The following PTPRN2 variants were observed in gnomAD, a reference collection of about 807,000 sequenced individuals.
PTPRN2 encodes protein tyrosine phosphatase receptor type N2, also known as receptor-type tyrosine-protein phosphatase N2.
Under a neutral mutation model 118.8 loss-of-function variants are expected in PTPRN2, and 74 were observed. The ratio of observed to expected loss-of-function variants is 0.62; its 90% CI spans 0.52 to 0.76. PTPRN2 has a LOEUF of 0.76. PTPRN2 is among the 30% of genes least tolerant of loss of function. The pLI is 0.00. For missense variants in PTPRN2, 1,481 were observed against 1,394.4 expected (o/e 1.06, Z -0.99); for synonymous variants, 641 against 608.0 (o/e 1.05, Z -0.80).
intron 3 of PTPRN2, among the ~76,000 whole-genome samples, chr7:158,282,731 T>C (rs577821798): frequency 1.5e-5 from 2 of 129,646 alleles, no homozygotes; most frequent in African/African-American, 3.0e-5. Context: ...TGCTCCCACA[T>C]GCAGCAGCCA....
chr7:158,495,205 C>T (rs1821742233), intron 1 of PTPRN2, among the ~76,000 whole-genome samples: 1 of 152,248 alleles, frequency 6.6e-6, no homozygotes, highest in African/African-American at 2.4e-5. Flanking sequence ...CCACCTCTCC[C>T]TGCAGAAAAC....
intron 11 of PTPRN2, among the ~76,000 whole-genome samples, chr7:158,060,634 AGG>A (rs1468730112): frequency 2.0e-5 from 3 of 152,248 alleles, no homozygotes; most frequent in African/African-American, 7.2e-5. Context: ...AGCAGGGGTT[AGG>A]TTTTGACCAT....
chr7:158,184,947 C>A (rs992442041), intron 5 of PTPRN2, among the ~76,000 whole-genome samples: 4 of 152,124 alleles, frequency 2.6e-5, no homozygotes, highest in African/African-American at 9.7e-5. Flanking sequence ...TGTAGGTTTC[C>A]GTCATGGATG....
chr7:158,581,420 T>G (rs1828621277), intron 1 of PTPRN2, among the ~76,000 whole-genome samples: 1 of 152,002 alleles, frequency 6.6e-6, no homozygotes, highest in South Asian at 2.1e-4. Flanking sequence ...GGGAGCACAC[T>G]GGGAAGTTTT....
At chr7:158,560,445 G>T (rs1827304244) in intron 1 of PTPRN2, among the ~76,000 whole-genome samples, 1 of 152,242 alleles carries the variant, frequency 6.6e-6, no homozygotes. Context: ...CAAATGGGGG[G>T]TTTGCTTATT....
At chr7:157,580,506 G>GGCAACTGCACACCCCA (rs1800295478) in intron 17 of PTPRN2, among the ~76,000 whole-genome samples, 3 of 91,276 alleles carry the variant, frequency 3.3e-5, no homozygotes, top group African/African-American at 1.3e-4. Flanking sequence ...TGCACACCGT[G>GGCAACTGCACACCCCA]GCACCTGCAC....
chr7:157,649,512 TGGGTC>T (rs1193353176), intron 14 of PTPRN2, among the ~76,000 whole-genome samples: 2 of 143,910 alleles, frequency 1.4e-5, no homozygotes. Context: ...CTGAACTCGG[TGGGTC>T]GGACCCATTC....
chr7:157,545,476 G>A (rs221267), intron 22 of PTPRN2, among the ~76,000 whole-genome samples: 72,072 of 150,480 alleles, frequency 0.48, 17,407 homozygotes, highest in South Asian at 0.68. Context: ...CCCTGGCTGC[G>A]TGTGGGTGTG....
rs145460608 is a variant in PTPRN2, at chr7:158,110,907, C to T, written c.1565G>A (p.Arg522His). 9.4e-5 allele frequency: 147 copies of T among 1,565,064 alleles called. No individual in the cohort carries two copies. The highest frequency in any genetic ancestry group is 1.7e-4 in the Middle Eastern group (1 of 5,988). ...GYIVTDRDPLRPEEGRRLVED... is the reference protein window; with the variant it reads ...GYIVTDRDPLHPEEGRRLVED... ...CACCAGCCGCCTTCCTTCCTCGGGGCGCAGGGGGCTGCGGATGACAGCAGG... is the reference window on the plus strand; with the variant it reads ...CACCAGCCGCCTTCCTTCCTCGGGGTGCAGGGGGCTGCGGATGACAGCAGG... Residue 522 changes from arginine to histidine, a missense_variant, in exon 10 of 23, where the codon CGC becomes CAC. Transcript: ENST00000389418.
intron 16 of PTPRN2, among the ~76,000 whole-genome samples, chr7:157,597,585 G>A (rs961415209): frequency 9.2e-5 from 14 of 152,284 alleles, no homozygotes; most frequent in Admixed American, 3.3e-4. Context: ...AGAAATAGGT[G>A]ATTGAAAGTA....
At chr7:158,086,496 G>A (rs1813421533) in intron 10 of PTPRN2, among the ~76,000 whole-genome samples, 1 of 152,140 alleles carries the variant, frequency 6.6e-6, no homozygotes, top group East Asian at 1.9e-4. Context: ...TCATGTTTTC[G>A]GCCTCTGAGT....
chr7:157,748,621 T>TC (rs1801207215), intron 12 of PTPRN2, among the ~76,000 whole-genome samples: 1 of 148,478 alleles, frequency 6.7e-6, no homozygotes, highest in African/African-American at 2.5e-5. Context: ...CTGTGGGCTG[T>TC]TGACGTGATT....
chr7:158,441,454 G>GTGGTGA (rs1204518132), intron 2 of PTPRN2, among the ~76,000 whole-genome samples: 536 of 117,252 alleles, frequency 4.6e-3, no homozygotes, highest in East Asian at 0.02. Context: ...GGTGGCAGTG[G>GTGGTGA]TGGTGATAGT....
At chr7:157,707,470 C>A (rs1304676224) in intron 12 of PTPRN2, among the ~76,000 whole-genome samples, 1 of 152,336 alleles carries the variant, frequency 6.6e-6, no homozygotes, top group Non-Finnish European at 1.5e-5. Flanking sequence ...TACGTGCCCG[C>A]TAAGTACCCT....
Position 157,808,693 on chromosome 7 carries a change from G to A in PTPRN2, c.1788+89980C>T, listed in dbSNP as rs148481684. Among the ~76,000 whole-genome samples, 164 of 152,260 alleles carry A rather than the reference G, an allele frequency of 1.1e-3. No homozygotes were observed. The highest frequency in any genetic ancestry group is 3.7e-3 in the African/African-American group (155 of 41,550). ...ATTAAGTGCACAGTAAATGTAATGC[G>A]TTTGAATCATCCTGAAACCTTCCCC... On this transcript the variant is annotated intron_variant, in intron 12 of 22. Coordinates refer to ENST00000389418, the MANE Select transcript of PTPRN2 (RefSeq NM_002847.5). This position sits in a 1 kb window ranked among gnomAD's most constrained non-coding sequence, Gnocchi z 5.0.
intron 1 of PTPRN2, among the ~76,000 whole-genome samples, chr7:158,587,240 C>T (rs1476153722): frequency 8.5e-6 from 1 of 118,200 alleles, no homozygotes; most frequent in Non-Finnish European, 1.8e-5. Context: ...TTCATTGAGG[C>T]GCCCCTCCCC....
chr7:157,978,798 G>A (rs1351079555), intron 11 of PTPRN2, among the ~76,000 whole-genome samples: 4 of 152,054 alleles, frequency 2.6e-5, no homozygotes, highest in Middle Eastern at 6.8e-3. Context: ...GGTTGCATTC[G>A]TGGTGAAGTC....
chr7:157,706,767 A>G (rs977856979), intron 12 of PTPRN2, among the ~76,000 whole-genome samples: 11 of 151,706 alleles, frequency 7.3e-5, no homozygotes, highest in African/African-American at 2.7e-4. Flanking sequence ...AACGTGGACC[A>G]CATCCTTCCA....
At chr7:158,146,421 A>T (rs1585611995) in intron 6 of PTPRN2, among the ~76,000 whole-genome samples, 1 of 152,122 alleles carries the variant, frequency 6.6e-6, no homozygotes. Context: ...GGGAACAAAC[A>T]TTATTCTAAG....
Sources: allele counts gnomAD v4.1 joint callset (sites outside exome capture counted in the v4.1 genomes callset), GRCh38; gene constraint gnomAD v4.1.1; non-coding constraint Gnocchi (gnomAD v3.1); transcripts MANE v1.5; gene names NCBI Gene and HGNC (gene_info 2026-07-23, HGNC 2026-07-21).